The following ESRRG variants were observed in gnomAD, a reference collection of about 807,000 sequenced individuals.
ESRRG encodes the protein estrogen related receptor gamma, also known as estrogen-related receptor gamma.
A neutral mutation model predicts 44.0 loss-of-function variants in ESRRG; 13 were observed. That is an observed-to-expected ratio of 0.30 (90% CI 0.19 to 0.47). ESRRG has a LOEUF of 0.47. Among genes scored for constraint, ESRRG ranks in the 20% least tolerant of loss-of-function variants. The pLI, the probability that ESRRG is intolerant of heterozygous loss-of-function variation, is 1.00. For missense variants in ESRRG, 395 were observed against 580.6 expected (o/e 0.68, Z 3.29); for synonymous variants, 215 against 214.6 (o/e 1.00, Z -0.02).
intron 3 of ESRRG, among the ~76,000 whole-genome samples, chr1:216,579,541 A>G (rs2062335503): frequency 6.6e-6 from 1 of 152,138 alleles, no homozygotes; most frequent in South Asian, 2.1e-4. Context: ...AAACGTGTGA[A>G]AATATAGAAA....
chr1:216,711,767 T>C (rs1288024469), intron 1 of ESRRG, among the ~76,000 whole-genome samples: 1 of 152,220 alleles, frequency 6.6e-6, no homozygotes, highest in Non-Finnish European at 1.5e-5. Flanking sequence ...TAATTGTAGA[T>C]AGAATTCATG....
At chr1:216,618,136 T>C (rs2061673962) in intron 3 of ESRRG, among the ~76,000 whole-genome samples, 1 of 152,258 alleles carries the variant, frequency 6.6e-6, no homozygotes, top group African/African-American at 2.4e-5. Flanking sequence ...AAAGACAGTT[T>C]AGCAAATGCC....
intron 2 of ESRRG, among the ~76,000 whole-genome samples, chr1:216,880,071 T>A (rs986779980): frequency 6.6e-6 from 1 of 151,250 alleles, no homozygotes; most frequent in Non-Finnish European, 1.5e-5. Context: ...ACTTTGGGAG[T>A]TCGAGGCGGT....
intron 2 of ESRRG, among the ~76,000 whole-genome samples, chr1:216,874,876 C>A (rs2096323888): frequency 6.6e-6 from 1 of 152,182 alleles, no homozygotes; most frequent in Admixed American, 6.5e-5. Context: ...TTCTCCCATG[C>A]TGGATACTTC....
intron 1 of ESRRG, among the ~76,000 whole-genome samples, chr1:217,023,598 T>A (rs1307113938): frequency 6.6e-6 from 1 of 152,182 alleles, no homozygotes; most frequent in Non-Finnish European, 1.5e-5. Context: ...TTAGCTGCAA[T>A]TTAAAAAGTA....
At chr1:216,946,692 C>T (rs995220418) in intron 1 of ESRRG, among the ~76,000 whole-genome samples, 2 of 152,028 alleles carry the variant, frequency 1.3e-5, no homozygotes, top group Non-Finnish European at 2.9e-5. Context: ...CACCCTCCCC[C>T]CATATCTTTC....
intron 5 of ESRRG, among the ~76,000 whole-genome samples, chr1:216,531,160 T>C (rs2049251797): frequency 6.6e-6 from 1 of 152,148 alleles, no homozygotes; most frequent in Non-Finnish European, 1.5e-5. Context: ...ATGAGATGCT[T>C]GTCACAGATA....
chr1:216,905,869 GC>G (rs1426872105), intron 2 of ESRRG, among the ~76,000 whole-genome samples: 1 of 152,092 alleles, frequency 6.6e-6, no homozygotes, highest in Non-Finnish European at 1.5e-5. Flanking sequence ...TCTTGCCTCA[GC>G]CTCCTGAGTA....
intron 2 of ESRRG, among the ~76,000 whole-genome samples, chr1:216,671,357 G>A (rs2075135620): frequency 6.6e-6 from 1 of 152,170 alleles, no homozygotes. Context: ...GTGAGAAATG[G>A]CTACAGGGAG....
chr1:216,823,220 A>C (rs2095332052), intron 2 of ESRRG, among the ~76,000 whole-genome samples: 1 of 152,120 alleles, frequency 6.6e-6, no homozygotes. Flanking sequence ...CTGTAAGAGA[A>C]GGGAGTAAGA....
At chr1:216,527,951 G>T (rs2048180340) in intron 5 of ESRRG, among the ~76,000 whole-genome samples, 1 of 152,082 alleles carries the variant, frequency 6.6e-6, no homozygotes, top group Non-Finnish European at 1.5e-5. Context: ...AAACTCTTCA[G>T]GGTGGAGATC....
At chr1:216,874,907 C>T (rs2096324467) in intron 2 of ESRRG, among the ~76,000 whole-genome samples, 1 of 152,184 alleles carries the variant, frequency 6.6e-6, no homozygotes, top group African/African-American at 2.4e-5. Flanking sequence ...ACATCAGACT[C>T]CAAGTTCTTC....
intron 1 of ESRRG, among the ~76,000 whole-genome samples, chr1:216,719,379 A>C (rs2085657000): frequency 6.6e-6 from 1 of 152,050 alleles, no homozygotes; most frequent in African/African-American, 2.4e-5. Context: ...ATATTTTACA[A>C]AAATGCCTGA....
intron 1 of ESRRG, chr1:216,959,607 A>G (rs921309898): frequency 2.0e-5 from 3 of 152,074 alleles, no homozygotes; most frequent in Non-Finnish European, 2.9e-5. Flanking sequence ...GGATCCCTGA[A>G]GCCCAGGAGT....
chr1:216,847,268 A>T (rs1243025746), intron 2 of ESRRG, among the ~76,000 whole-genome samples: 1 of 152,160 alleles, frequency 6.6e-6, no homozygotes, highest in Admixed American at 6.6e-5. Flanking sequence ...AGTAATGTTT[A>T]GTATTTACAC....
intron 2 of ESRRG, among the ~76,000 whole-genome samples, chr1:216,883,333 C>T (rs972280888): frequency 6.5e-5 from 9 of 139,040 alleles, no homozygotes; most frequent in Non-Finnish European, 1.4e-4. Flanking sequence ...TGCAGTGAGC[C>T]GAGATCTAGC....
chr1:216,954,784 A>G (rs905472856), intron 1 of ESRRG, among the ~76,000 whole-genome samples: 3 of 152,164 alleles, frequency 2.0e-5, no homozygotes, highest in Non-Finnish European at 4.4e-5. Flanking sequence ...CAGAGGAGTA[A>G]GTTGTGACAT....
intron 1 of ESRRG, among the ~76,000 whole-genome samples, chr1:217,134,513 G>C (rs2093020048): frequency 6.6e-6 from 1 of 152,224 alleles, no homozygotes; most frequent in South Asian, 2.1e-4. Flanking sequence ...TCTCATTTTC[G>C]GCCTCATGGA....
intron 5 of ESRRG, among the ~76,000 whole-genome samples, chr1:216,554,143 C>T (rs762947358): frequency 2.0e-5 from 3 of 151,998 alleles, no homozygotes; most frequent in Non-Finnish European, 4.4e-5. Flanking sequence ...TGTGGACACA[C>T]TTGGTACGGT....
Sources: allele counts gnomAD v4.1 joint callset (sites outside exome capture counted in the v4.1 genomes callset), GRCh38; gene constraint gnomAD v4.1.1; transcripts MANE v1.5; gene names NCBI Gene and HGNC (gene_info 2026-07-23, HGNC 2026-07-21).